The following AKAP11 variants were observed in gnomAD, a reference collection of about 807,000 sequenced individuals.
AKAP11 encodes the protein A-kinase anchor protein 11.
AKAP11 carries 36 observed loss-of-function variants against 146.1 expected under a neutral mutation model. The ratio of observed to expected loss-of-function variants is 0.25; its 90% CI spans 0.19 to 0.33. AKAP11 has a LOEUF of 0.33. Among genes scored for constraint, AKAP11 ranks in the 10% least tolerant of loss-of-function variants. The pLI is 1.00. For missense variants in AKAP11, 2,201 were observed against 2,197.0 expected, an observed-to-expected ratio of 1.00 and a Z score of -0.04; for synonymous variants, 780 against 786.5, an observed-to-expected ratio of 0.99 and a Z score of 0.14.
Position 42,298,670 on chromosome 13 carries a change from G to A in AKAP11, c.489G>A (p.Lys163=), listed in dbSNP as rs753149250. Residue 163 remains lysine, a synonymous_variant, in exon 7 of 13, where the codon AAG becomes AAA. Transcript: ENST00000025301. The part of the protein sequence containing the change: ...RYTLDTFLHQ[K]HQLETTDEDD... ...CCTTGGACACATTCTTGCATCAGAA[G>A]CACCAACTTGAGACCACTGATGAAG... 6 of 1,612,010 alleles carry A rather than the reference G, an allele frequency of 3.7e-6. No individual in the cohort carries two copies. In the South Asian group the frequency reaches 6.6e-5, roughly 18 times the overall value.
intron 1 of AKAP11, among the ~76,000 whole-genome samples, chr13:42,284,392 T>C (rs1230626495): frequency 1.3e-5 from 2 of 152,254 alleles, no homozygotes; most frequent in East Asian, 3.8e-4. Flanking sequence ...GGAACCCTTA[T>C]GTTGGCTTCT....
rs550899464 is a variant in AKAP11, at chr13:42,298,108, G to A, written c.352-425G>A. The stretch of plus-strand genomic sequence containing the variant: ...AACAATTGTGATAGGAAGGAAGATG[G>A]CATCATACTTGAAACTACGGGAAAA... On this transcript the variant is annotated intron_variant, in intron 6 of 12. Transcript: ENST00000025301. 7.9e-5 allele frequency among the ~76,000 whole-genome samples: 12 copies of A among 152,080 alleles called. No homozygotes were observed. The South Asian group carries it at 2.5e-3, about 32-fold the overall frequency.
At position 42,301,476 on chromosome 13, in the gene AKAP11, T is replaced by A. The variant is rs751477644; in HGVS notation, c.2730T>A (p.Ser910=). ...AACGTACAGATTATTTAACTAAATC[T>A]TTAAAGGAGAAAACCCCTCCATTTT... The part of the protein sequence containing the change: ...VDERTDYLTK[S]LKEKTPPFSH... The change falls in exon 8 of 13, where the codon TCT becomes TCA. Residue 910 remains serine (S), a synonymous_variant. Coordinates refer to ENST00000025301, the MANE Select transcript of AKAP11 (RefSeq NM_016248.4). The A allele has an allele frequency of 1.2e-6, 2 of 1,613,542 alleles. No homozygotes were observed. The highest frequency in any genetic ancestry group is 1.7e-6 in the Non-Finnish European group (2 of 1,179,846).
chr13:42,274,634 G>A (rs199988892), intron 1 of AKAP11, among the ~76,000 whole-genome samples: 1 of 150,418 alleles, frequency 6.6e-6, no homozygotes, highest in Non-Finnish European at 1.5e-5. Context: ...GCAGTGAGCC[G>A]AGATCGTGCC....
chr13:42,273,840 T>G (rs1958844884), intron 1 of AKAP11, among the ~76,000 whole-genome samples: 1 of 152,192 alleles, frequency 6.6e-6, no homozygotes. Context: ...GAAAAGGAAC[T>G]CAAACCAATT....
intron 1 of AKAP11, among the ~76,000 whole-genome samples, chr13:42,272,451 G>C (rs1232169954): frequency 6.6e-6 from 1 of 152,220 alleles, no homozygotes; most frequent in East Asian, 1.9e-4. Flanking sequence ...CACCGCACCG[G>C]GCCCAGAGTA....
chr13:42,295,107 CA>C (rs1366797019), intron 4 of AKAP11, among the ~76,000 whole-genome samples: 23 of 152,026 alleles, frequency 1.5e-4, no homozygotes, highest in African/African-American at 5.6e-4. Flanking sequence ...GGAGTCTACC[CA>C]GGGGGAAGGC....
chr13:42,274,158 TG>T (rs1302445412), intron 1 of AKAP11, among the ~76,000 whole-genome samples: 2 of 152,216 alleles, frequency 1.3e-5, no homozygotes, highest in Non-Finnish European at 2.9e-5. Flanking sequence ...TAACTGATTT[TG>T]TTTTTTTTCC....
chr13:42,271,860 C>CCCGCGGGCTGCTCCGCGGGCTGCT (rs543872353), upstream of AKAP11, among the ~76,000 whole-genome samples: 2 of 151,464 alleles, frequency 1.3e-5, no homozygotes, highest in Admixed American at 6.6e-5. Flanking sequence ...GCGGGGCTGC[C>CCCGCGGGCTGCTCCGCGGGCTGCT]CCGCGGGCTG....
chr13:42,295,816 A>T, intron 5 of AKAP11, 74 bp downstream of exon 5: 1 of 1,404,176 alleles, frequency 7.1e-7, no homozygotes, highest in Non-Finnish European at 1.0e-6. Flanking sequence ...CACAAAAGTC[A>T]TTTATCTGAG....
At chr13:42,271,845 G>A (rs1594283816), upstream of AKAP11, among the ~76,000 whole-genome samples, 1 of 151,682 alleles carries the variant, frequency 6.6e-6, no homozygotes, top group Non-Finnish European at 1.5e-5. Flanking sequence ...TAAGTCATGT[G>A]ACCAGCGGGG....
chr13:42,318,524 C>T (rs1447805986), intron 12 of AKAP11, among the ~76,000 whole-genome samples: 2 of 152,106 alleles, frequency 1.3e-5, no homozygotes, highest in African/African-American at 2.4e-5. Flanking sequence ...AAAAGCATGT[C>T]GTGAGTGGTG....
intron 11 of AKAP11, among the ~76,000 whole-genome samples, chr13:42,316,909 A>G (rs1725837274): frequency 6.6e-6 from 1 of 152,082 alleles, no homozygotes; most frequent in Admixed American, 6.5e-5. Flanking sequence ...TTTGGGACAA[A>G]GTCTTGCTCT....
At chr13:42,317,435 A>T in intron 11 of AKAP11, 93 bp from the exon 12 acceptor site, 2 of 1,322,454 alleles carry the variant, frequency 1.5e-6, no homozygotes, top group Non-Finnish European at 1.0e-6. Flanking sequence ...TAGAATCCTA[A>T]GAACCAGAAA....
At chr13:42,297,412 A>G (rs535962038) in intron 6 of AKAP11, among the ~76,000 whole-genome samples, 2 of 152,074 alleles carry the variant, frequency 1.3e-5, no homozygotes, top group South Asian at 4.1e-4. Context: ...AGTTCCGTAG[A>G]TGGTATGCAA....
At position 42,291,378 on chromosome 13, in the gene AKAP11, G is replaced by A. The variant is rs142945751; in HGVS notation, c.52-1007G>A. On this transcript the variant is annotated intron_variant, in intron 3 of 12. Transcript: ENST00000025301. ...AGCAATTCTTCTGCCTCAGCCTTCC[G>A]AGCAGCTGGGATTACAGGCACGTGG... 1.5e-3 allele frequency among the ~76,000 whole-genome samples: 229 copies of A among 152,146 alleles called. 2 individuals carry two copies. Among genetic ancestry groups the A allele is most frequent in the African/African-American group, 5.1e-3 (211 of 41,534 alleles).
At position 42,301,412 on chromosome 13, in the gene AKAP11, A is replaced by C. The variant is rs1405350008; in HGVS notation, c.2666A>C (p.Glu889Ala). 2 of 1,613,512 alleles carry C rather than the reference A, an allele frequency of 1.2e-6. No homozygotes were observed. Among genetic ancestry groups the C allele is most frequent in the East Asian group, 2.2e-5 (1 of 44,892 alleles). The change falls in exon 8 of 13, where the codon GAG becomes GCG. Residue 889 changes from glutamate (E) to alanine (A), a missense_variant. Glu to Ala is a moderately radical substitution (Grantham distance 107). This residue lies in a region of AKAP11 where 1,867 missense variants were observed against 1,833.5 expected (regional missense o/e 1.02). Transcript: ENST00000025301. ...VVHTIVNETL[E>A]SMTSLEVTKM... ...CATACGATAGTAAATGAAACTTTAG[A>C]GTCAATGACATCATTGGAAGTTACA...
At chr13:42,318,925 T>C (rs1224695277) in intron 12 of AKAP11, among the ~76,000 whole-genome samples, 163 bp from the exon 13 acceptor site, 4 of 152,108 alleles carry the variant, frequency 2.6e-5, no homozygotes, top group Admixed American at 2.6e-4. Context: ...TTAATTTGGG[T>C]AAAGGGGTAG....
At chr13:42,315,334 G>A (rs1367172854) in intron 11 of AKAP11, among the ~76,000 whole-genome samples, 2 of 152,062 alleles carry the variant, frequency 1.3e-5, no homozygotes, top group Admixed American at 6.5e-5. Context: ...ATATAAAGTC[G>A]AGATGGGGCA....
Sources: gnomAD v4.1 joint callset for allele counts (sites outside exome capture counted in the v4.1 genomes callset) on GRCh38, gnomAD v4.1.1 for gene constraint, gnomAD v4.1.1 regional missense constraint, MANE v1.5 for transcripts, NCBI Gene and HGNC (gene_info 2026-07-23, HGNC 2026-07-21) for gene names.